The following RBFOX1 variants were observed in gnomAD, a reference collection of about 807,000 sequenced individuals.
The protein encoded by RBFOX1 is RNA binding fox-1 homolog 1.
Under a neutral mutation model 57.7 loss-of-function variants are expected in RBFOX1, and 8 were observed. That is an observed-to-expected ratio of 0.14 (90% CI 0.08 to 0.25). The LOEUF is 0.25. RBFOX1 is among the 10% of genes least tolerant of loss of function. RBFOX1 has a pLI of 1.00. For missense variants in RBFOX1, 611 were observed against 548.5 expected (o/e 1.11, Z -1.14); for synonymous variants, 326 against 222.4 (o/e 1.47, Z -4.15).
At chr16:7,551,991 A>G (rs2086693076) in intron 5 of RBFOX1, among the ~76,000 whole-genome samples, 1 of 152,134 alleles carries the variant, frequency 6.6e-6, no homozygotes, top group Non-Finnish European at 1.5e-5. Context: ...GTGTGTCCAC[A>G]TCCTCCATTT....
chr16:6,343,259 ACT>A (rs1491078408), intron 2 of RBFOX1, among the ~76,000 whole-genome samples: 8 of 149,302 alleles, frequency 5.4e-5, no homozygotes, highest in Non-Finnish European at 1.2e-4. Context: ...AATGTAGAAA[ACT>A]CTGTCTATTA....
intron 3 of RBFOX1, among the ~76,000 whole-genome samples, chr16:6,663,045 A>G (rs913318193): frequency 1.2e-4 from 18 of 152,276 alleles, no homozygotes; most frequent in South Asian, 1.0e-3. Context: ...GCATTTTGTA[A>G]GTTTCAAACT....
intron 3 of RBFOX1, among the ~76,000 whole-genome samples, chr16:6,957,541 G>A (rs1213434593): frequency 6.6e-6 from 1 of 152,086 alleles, no homozygotes; most frequent in African/African-American, 2.4e-5. Flanking sequence ...TAGCAGTGGG[G>A]ACGATCAGAG....
chr16:5,950,474 T>C (rs949083132), intron 4 of RBFOX1, among the ~76,000 whole-genome samples: 2 of 152,226 alleles, frequency 1.3e-5, no homozygotes, highest in Non-Finnish European at 2.9e-5. Flanking sequence ...ATTTTCATTA[T>C]CTGGTATTCT....
chr16:7,567,242 C>CATATATCCTTATAT (rs2091960989), intron 5 of RBFOX1, among the ~76,000 whole-genome samples: 2 of 70,926 alleles, frequency 2.8e-5, no homozygotes, highest in Non-Finnish European at 5.5e-5. Flanking sequence ...TATATATATC[C>CATATATCCTTATAT]ATATATCCCT....
chr16:6,095,969 C>T (rs1015520502), intron 1 of RBFOX1, among the ~76,000 whole-genome samples: 6 of 152,212 alleles, frequency 3.9e-5, no homozygotes, highest in African/African-American at 1.4e-4. Flanking sequence ...CTCAGCCACC[C>T]AGGCCACGAT....
chr16:6,020,063 G>C (rs922097670), intron 1 of RBFOX1, 71 bp downstream of exon 1: 29 of 1,358,108 alleles, frequency 2.1e-5, no homozygotes, highest in Non-Finnish European at 2.7e-5. Flanking sequence ...AGGTCTCATG[G>C]AGGGAAGCGC....
chr16:7,222,479 C>A (rs1024192912), intron 4 of RBFOX1, among the ~76,000 whole-genome samples: 5 of 152,280 alleles, frequency 3.3e-5, no homozygotes, highest in African/African-American at 7.2e-5. Flanking sequence ...GAAAAGTTGG[C>A]AATGCAAGGA....
At chr16:7,003,300 A>T (rs2093000130) in intron 3 of RBFOX1, among the ~76,000 whole-genome samples, 1 of 152,030 alleles carries the variant, frequency 6.6e-6, no homozygotes, top group Non-Finnish European at 1.5e-5. Flanking sequence ...TCTCTACTAA[A>T]AGTGCAAAAA....
intron 3 of RBFOX1, among the ~76,000 whole-genome samples, chr16:7,017,180 G>T (rs950477966): frequency 6.6e-6 from 1 of 152,146 alleles, no homozygotes; most frequent in Non-Finnish European, 1.5e-5. Flanking sequence ...CCAGCAAATC[G>T]TATCTGCTTC....
intron 1 of RBFOX1, among the ~76,000 whole-genome samples, chr16:5,297,034 G>C (rs1331703578): frequency 6.6e-6 from 1 of 152,034 alleles, no homozygotes. Flanking sequence ...TTCTGAGCTT[G>C]GCTTAGTTTG....
At chr16:7,246,916 C>T (rs1036836775) in intron 4 of RBFOX1, among the ~76,000 whole-genome samples, 2 of 152,244 alleles carry the variant, frequency 1.3e-5, no homozygotes, top group East Asian at 1.9e-4. Context: ...CCCTAAACCT[C>T]AATTTTCCCA....
intron 3 of RBFOX1, among the ~76,000 whole-genome samples, chr16:5,665,544 T>C (rs2049814406): frequency 6.6e-6 from 1 of 152,228 alleles, no homozygotes; most frequent in East Asian, 1.9e-4. Flanking sequence ...GTTTGCTGTT[T>C]CCCTGACCAG....
At chr16:7,368,300 A>T (rs946898437) in intron 4 of RBFOX1, among the ~76,000 whole-genome samples, 2 of 151,872 alleles carry the variant, frequency 1.3e-5, no homozygotes, top group African/African-American at 4.8e-5. Context: ...AAAGGCCGTA[A>T]GTATTTTTCA....
chr16:5,322,500 G>A (rs548134717), intron 1 of RBFOX1, among the ~76,000 whole-genome samples: 2 of 152,272 alleles, frequency 1.3e-5, no homozygotes, highest in African/African-American at 2.4e-5. Context: ...GATGGCATCC[G>A]TCCTTTCTTG....
chr16:6,963,625 G>C (rs1178936674), intron 3 of RBFOX1, among the ~76,000 whole-genome samples: 5 of 152,316 alleles, frequency 3.3e-5, no homozygotes, highest in South Asian at 2.1e-4. Flanking sequence ...ATAGTAAAAA[G>C]ATCCAGGGGT....
intron 3 of RBFOX1, among the ~76,000 whole-genome samples, chr16:6,678,870 A>T (rs985303156): frequency 6.6e-6 from 1 of 152,072 alleles, no homozygotes; most frequent in Non-Finnish European, 1.5e-5. Flanking sequence ...GGTTTATCGC[A>T]TTGTTTCCAA....
chr16:6,063,011 T>G (rs1038873270), intron 1 of RBFOX1, among the ~76,000 whole-genome samples: 3 of 152,170 alleles, frequency 2.0e-5, no homozygotes, highest in Non-Finnish European at 2.9e-5. Context: ...AGCCCACCCA[T>G]ATTTTTCAAG....
chr16:7,518,451 GGCA>G (rs2076844765), intron 5 of RBFOX1, 62 bp downstream of exon 5: 1 of 1,538,032 alleles, frequency 6.5e-7, no homozygotes, highest in Admixed American at 1.8e-5. Context: ...CCCTGGTAAT[GGCA>G]GCGGGGGTGC....
Sources: allele counts gnomAD v4.1 joint callset (sites outside exome capture counted in the v4.1 genomes callset), GRCh38; gene constraint gnomAD v4.1.1; transcripts MANE v1.5; gene names NCBI Gene and HGNC (gene_info 2026-07-23, HGNC 2026-07-21).